GALNTL6: variants seen among roughly 807,000 people sequenced by gnomAD.
GALNTL6 encodes polypeptide N-acetylgalactosaminyltransferase like 6.
GALNTL6 carries 46 observed loss-of-function variants against 73.7 expected under a neutral mutation model. The observed-to-expected ratio is 0.62, with a 90% confidence interval of 0.49 to 0.80. The LOEUF is 0.80. GALNTL6 is among the 30% of genes least tolerant of loss of function. GALNTL6 has a pLI of 0.00. For synonymous variants in GALNTL6, 259 were observed against 263.7 expected (o/e 0.98, Z 0.17); for missense variants, 604 against 755.0 (o/e 0.80, Z 2.34).
intron 2 of GALNTL6, among the ~76,000 whole-genome samples, chr4:172,073,230 A>G (rs2110905947): frequency 6.6e-6 from 1 of 152,264 alleles, no homozygotes; most frequent in African/African-American, 2.4e-5. Flanking sequence ...CCACATTCCT[A>G]TATTAAATAT....
intron 2 of GALNTL6, among the ~76,000 whole-genome samples, chr4:171,871,277 A>G (rs1475040768): frequency 6.6e-6 from 1 of 152,126 alleles, no homozygotes; most frequent in African/African-American, 2.4e-5. Flanking sequence ...AAAAAATTAC[A>G]CATAGTAACA....
intron 3 of GALNTL6, among the ~76,000 whole-genome samples, chr4:172,242,516 G>C (rs146164944): frequency 6.6e-6 from 1 of 151,866 alleles, no homozygotes; most frequent in South Asian, 2.1e-4. Flanking sequence ...TTAAAAAGCT[G>C]GTTTCAACTG....
At chr4:172,097,701 T>A (rs556893231) in intron 2 of GALNTL6, among the ~76,000 whole-genome samples, 1 of 152,308 alleles carries the variant, frequency 6.6e-6, no homozygotes, top group African/African-American at 2.4e-5. Flanking sequence ...ACAGTAACCA[T>A]CAACTGCCTA....
At chr4:172,154,228 T>C (rs1009773105) in intron 2 of GALNTL6, among the ~76,000 whole-genome samples, 53 of 151,830 alleles carry the variant, frequency 3.5e-4, no homozygotes, top group African/African-American at 1.2e-3. Context: ...ACTTTGTTTT[T>C]TGTTTGTTTG....
intron 10 of GALNTL6, among the ~76,000 whole-genome samples, chr4:172,970,033 C>G (rs1750503341): frequency 1.3e-5 from 2 of 152,230 alleles, no homozygotes; most frequent in East Asian, 3.9e-4. Flanking sequence ...ACAAAACCAA[C>G]AAGTTTTTAT....
intron 2 of GALNTL6, among the ~76,000 whole-genome samples, chr4:171,983,464 TTTTA>T (rs3081370): frequency 0.56 from 78,851 of 140,874 alleles, 23,594 homozygotes; most frequent in South Asian, 0.7. Context: ...GGCATCTTGA[TTTTA>T]TTTATTTATT....
chr4:171,990,094 A>G (rs1416422606), intron 2 of GALNTL6, among the ~76,000 whole-genome samples: 1 of 152,162 alleles, frequency 6.6e-6, no homozygotes, highest in Non-Finnish European at 1.5e-5. Flanking sequence ...ATTGGGACCT[A>G]GCTCGGCCTG....
At chr4:172,086,232 T>C (rs1330498241) in intron 2 of GALNTL6, among the ~76,000 whole-genome samples, 1 of 152,126 alleles carries the variant, frequency 6.6e-6, no homozygotes, top group Non-Finnish European at 1.5e-5. Context: ...ATTAATACTA[T>C]GATTTTTAAA....
intron 5 of GALNTL6, among the ~76,000 whole-genome samples, chr4:172,745,361 T>C (rs187160293): frequency 6.6e-6 from 1 of 151,774 alleles, no homozygotes; most frequent in Admixed American, 6.6e-5. Flanking sequence ...TTATACATTA[T>C]GTTATTTTAG....
chr4:171,904,793 C>T (rs1190366380), intron 2 of GALNTL6, among the ~76,000 whole-genome samples: 1 of 152,204 alleles, frequency 6.6e-6, no homozygotes, highest in African/African-American at 2.4e-5. Flanking sequence ...AACAGCAGAT[C>T]TCTCAGCAGA....
Position 172,571,041 on chromosome 4 carries a change from T to C in GALNTL6, c.553+222352T>C, listed in dbSNP as rs540637195. On this transcript the variant is annotated intron_variant, in intron 5 of 12. Coordinates refer to ENST00000506823, the MANE Select transcript of GALNTL6 (RefSeq NM_001034845.3). ...AATGGGAAGCAGCTGTAAATACAGA[T>C]GAAGCTTCACTCATTTGCCAACTGC... Among the ~76,000 whole-genome samples the C allele has an allele frequency of 5.9e-5, 9 of 152,290 alleles. No homozygotes were observed. The Middle Eastern group carries it at 0.017, about 288-fold the overall frequency.
Position 172,463,718 on chromosome 4 carries a change from A to G in GALNTL6, c.553+115029A>G, listed in dbSNP as rs138872965. Among the ~76,000 whole-genome samples the G allele has an allele frequency of 7.2e-5, 11 of 152,356 alleles. No individual in the cohort carries two copies. The East Asian group carries it at 1.2e-3, about 16-fold the overall frequency. On this transcript the variant is annotated intron_variant, in intron 5 of 12. Coordinates refer to ENST00000506823, the MANE Select transcript of GALNTL6 (RefSeq NM_001034845.3). ...GAGAATTCCAGGGGACTAAGGGAAT[A>G]TTTAACTGGAAGACCCTAATTTAGT...
intron 2 of GALNTL6, among the ~76,000 whole-genome samples, chr4:171,874,954 GA>G (rs1481626704): frequency 1.3e-5 from 2 of 152,096 alleles, no homozygotes; most frequent in African/African-American, 4.8e-5. Context: ...TCACCCTGCA[GA>G]AATGTATTCG....
At chr4:171,878,430 T>A (rs910365979) in intron 2 of GALNTL6, among the ~76,000 whole-genome samples, 5 of 152,206 alleles carry the variant, frequency 3.3e-5, no homozygotes, top group African/African-American at 1.2e-4. Context: ...TTCTACCCTG[T>A]CTCTGTACAT....
At chr4:172,521,255 T>C (rs1188405061) in intron 5 of GALNTL6, among the ~76,000 whole-genome samples, 1 of 152,162 alleles carries the variant, frequency 6.6e-6, no homozygotes, top group East Asian at 1.9e-4. Flanking sequence ...ACTGCCATTT[T>C]TTCATTCCTT....
intron 2 of GALNTL6, among the ~76,000 whole-genome samples, chr4:172,143,463 A>G (rs897830639): frequency 6.6e-6 from 1 of 150,794 alleles, no homozygotes; most frequent in Non-Finnish European, 1.5e-5. Context: ...CTTTTTTGCC[A>G]TCTGTGTGTT....
chr4:172,059,743 C>T, intron 2 of GALNTL6, among the ~76,000 whole-genome samples: 1 of 152,146 alleles, frequency 6.6e-6, no homozygotes, highest in East Asian at 1.9e-4. Flanking sequence ...GATTTTTACT[C>T]ATGCTATGTT....
At chr4:172,767,582 T>G (rs2110850281) in intron 5 of GALNTL6, among the ~76,000 whole-genome samples, 1 of 152,078 alleles carries the variant, frequency 6.6e-6, no homozygotes, top group Non-Finnish European at 1.5e-5. Flanking sequence ...AAAATTCTAG[T>G]AAAACTAGAA....
In GALNTL6 at chr4:172,253,551, C is replaced by T. The variant is rs561667873; in HGVS notation, c.247+23787C>T. ...AGGAGAAATGACAATAGTGTGTAAG[C>T]CCTGCTATTCTTTTACACATAGCTA... is the stretch of plus-strand genomic sequence containing the variant. On this transcript the variant is annotated intron_variant, in intron 3 of 12. Coordinates refer to ENST00000506823, the MANE Select transcript of GALNTL6 (RefSeq NM_001034845.3). 1.4e-4 allele frequency among the ~76,000 whole-genome samples: 22 copies of T among 151,920 alleles called. No homozygotes were observed. The South Asian group carries it at 4.6e-3, about 32-fold the overall frequency.
Sources: allele counts gnomAD v4.1 joint callset (sites outside exome capture counted in the v4.1 genomes callset), GRCh38; gene constraint gnomAD v4.1.1; transcripts MANE v1.5; gene names NCBI Gene and HGNC (gene_info 2026-07-23, HGNC 2026-07-21).